KDM6A: variants seen among roughly 807,000 people sequenced by gnomAD.
The protein encoded by KDM6A is lysine demethylase 6A.
Under a neutral mutation model 117.6 loss-of-function variants are expected in KDM6A, and 11 were observed. The ratio of observed to expected loss-of-function variants is 0.09; its 90% CI spans 0.06 to 0.15. The LOEUF (loss-of-function observed/expected upper bound fraction) is 0.15, where lower values mean the gene tolerates loss of function less well. Among genes scored for constraint, KDM6A ranks in the 10% least tolerant of loss-of-function variants. KDM6A has a pLI of 1.00. For missense variants in KDM6A, 799 were observed against 1,077.3 expected (o/e 0.74, Z 3.62); for synonymous variants, 384 against 396.1 (o/e 0.97, Z 0.36).
At chrX:44,949,780 G>T (rs2037876079) in intron 2 of KDM6A, among the ~76,000 whole-genome samples, 1 of 111,600 alleles carries the variant, frequency 9.0e-6, no homozygotes, top group African/African-American at 3.3e-5. Context: ...TTTAACCAGG[G>T]TACAGCATGC....
rs56098621 is a variant in KDM6A at position 44,933,260 on chromosome X, A to ATTT, written c.226-28001_226-27999dup. Among the ~76,000 whole-genome samples, 89 of 36,525 alleles carry ATTT rather than the reference A, an allele frequency of 2.4e-3. 4 individuals are homozygous for ATTT. Among genetic ancestry groups the ATTT allele is most frequent in the African/African-American group, 7.3e-3 (66 of 9,040 alleles). 31.7% of individuals were successfully genotyped at this position (36,525 alleles called of 115,157 possible). On this transcript the variant is annotated intron_variant, in intron 2 of 29. Transcript: ENST00000611820. The stretch of plus-strand genomic sequence containing the variant: ...TTCTCTTCCCTCACAGTTTATGTTG[A>ATTT]TTTTTTTTTTTTTTTTTTTTTTTTT...
intron 4 of KDM6A, among the ~76,000 whole-genome samples, chrX:44,987,910 A>T (rs936673916): frequency 9.0e-6 from 1 of 110,566 alleles, no homozygotes; most frequent in Non-Finnish European, 1.9e-5. Flanking sequence ...CTCGAGGAGT[A>T]TCTTTGTGGT....
intron 2 of KDM6A, among the ~76,000 whole-genome samples, chrX:44,959,005 T>G (rs1289084565): frequency 9.0e-5 from 10 of 111,333 alleles, no homozygotes. Context: ...TTAAAAAGTG[T>G]GTTAGATATT....
chrX:45,028,479 G>A (rs746631456), intron 6 of KDM6A, among the ~76,000 whole-genome samples: 22 of 111,923 alleles, frequency 2.0e-4, no homozygotes, highest in Non-Finnish European at 4.0e-4. Flanking sequence ...TATGATTGAG[G>A]AAACTGCAAC....
At chrX:44,983,508 A>G (rs2040015828) in intron 4 of KDM6A, among the ~76,000 whole-genome samples, 1 of 109,539 alleles carries the variant, frequency 9.1e-6, no homozygotes, top group Admixed American at 9.7e-5. Context: ...GGTGTGCTGC[A>G]CCCATTAACT....
At chrX:45,034,794 G>T in intron 6 of KDM6A, 137 bp from the exon 7 acceptor site, 1 of 516,739 alleles carries the variant, frequency 1.9e-6, no homozygotes, top group East Asian at 3.6e-5. Context: ...AGTATTTCTA[G>T]TTGGTAGGCT....
intron 2 of KDM6A, among the ~76,000 whole-genome samples, chrX:44,934,481 C>T (rs1469056367): frequency 8.9e-6 from 1 of 111,839 alleles, no homozygotes; most frequent in Non-Finnish European, 1.9e-5. Flanking sequence ...TGTATCTATA[C>T]CTGGTATTCT....
Position 45,089,725 on chromosome X carries a change from A to AT in KDM6A, c.3705-11dup, listed in dbSNP as rs746893662. 1.0e-5 allele frequency: 12 copies of AT among 1,143,769 alleles called. No homozygotes were observed. Among genetic ancestry groups the AT allele is most frequent in the Non-Finnish European group, 1.3e-5 (11 of 835,887 alleles). The allele number at this position is 1,143,769 out of a possible 1,213,427, so 94.3% of individuals were successfully genotyped here. A position where few individuals can be genotyped will look rare whatever the true frequency, so the allele number is the denominator to read the frequency against. On this transcript the variant is annotated splice_polypyrimidine_tract_variant and intron_variant, in intron 25 of 29. Coordinates refer to ENST00000611820, the MANE Select transcript of KDM6A (RefSeq NM_001291415.2). ...TTAATGTAGTTGATCCATTTGCATTATTTTTTTCTTATTTCAGAAATAATT... is the reference window on the plus strand; with the variant it reads ...TTAATGTAGTTGATCCATTTGCATTATTTTTTTTCTTATTTCAGAAATAATT...
chrX:44,929,012 C>CTG (rs2036467878), intron 2 of KDM6A, among the ~76,000 whole-genome samples: 3 of 110,969 alleles, frequency 2.7e-5, no homozygotes, highest in Non-Finnish European at 5.7e-5. Context: ...CTCACTACAA[C>CTG]GTCTGCCTCC....
intron 4 of KDM6A, among the ~76,000 whole-genome samples, chrX:44,995,397 A>G (rs978755174): frequency 2.7e-5 from 3 of 110,949 alleles, no homozygotes; most frequent in East Asian, 2.8e-4. Flanking sequence ...ACTGCTTGCC[A>G]TTGGCCTTAT....
chrX:45,042,244 A>G (rs112266933), intron 8 of KDM6A, among the ~76,000 whole-genome samples: 2,481 of 54,818 alleles, frequency 0.045, 306 homozygotes, highest in African/African-American at 0.23. Flanking sequence ...AGACCGTGGA[A>G]GGAGACCGTG....
At chrX:44,957,095 A>G (rs1211292170) in intron 2 of KDM6A, among the ~76,000 whole-genome samples, 1 of 110,341 alleles carries the variant, frequency 9.1e-6, no homozygotes, top group Non-Finnish European at 1.9e-5. Flanking sequence ...ACACCGTTGC[A>G]CTCCAGCCTG....
rs2042309914 is a variant in KDM6A at position 45,025,002 on chromosome X, T to C, written c.564+4272T>C. 2.7e-5 allele frequency among the ~76,000 whole-genome samples: 3 copies of C among 112,338 alleles called. No individual in the cohort carries two copies. The Admixed American group carries it at 2.8e-4, about 11-fold the overall frequency. ...ACCAATAAAGATTGTATGTGTTTAG[T>C]GAGCAGTGGAGATACCAATTCTTAA... is the stretch of plus-strand genomic sequence containing the variant. On this transcript the variant is annotated intron_variant, in intron 6 of 29. Transcript: ENST00000611820.
At chrX:44,885,191 A>G (rs937746245) in intron 2 of KDM6A, among the ~76,000 whole-genome samples, 2 of 105,513 alleles carry the variant, frequency 1.9e-5, no homozygotes, top group African/African-American at 7.4e-5. Flanking sequence ...ACGTGCAGCT[A>G]ATTTTTTTTT....
rs947622163 is a variant in KDM6A, at chrX:44,974,837, G to A, written c.384+122G>A. ...AATTACTTAAAATATTGCTTCTAGG[G>A]GAAAGGTATTGGAAAAGGGTTGAGA... On this transcript the variant is annotated intron_variant, in intron 4 of 29. Coordinates refer to ENST00000611820, the MANE Select transcript of KDM6A (RefSeq NM_001291415.2). 28 of 546,197 alleles carry A rather than the reference G, an allele frequency of 5.1e-5. No individual in the cohort carries two copies. The African/African-American group carries it at 5.3e-4, about 10-fold the overall frequency. The allele number at this position is 546,197 out of a possible 1,213,427, so 45.0% of individuals were successfully genotyped here. A position where few individuals can be genotyped will look rare whatever the true frequency, so the allele number is the denominator to read the frequency against.
chrX:45,068,296 C>A (rs1395813691), intron 17 of KDM6A, among the ~76,000 whole-genome samples: 1 of 110,542 alleles, frequency 9.0e-6, no homozygotes, highest in Non-Finnish European at 1.9e-5. Flanking sequence ...TGAAAATATT[C>A]TTCTTAAAGA....
intron 2 of KDM6A, among the ~76,000 whole-genome samples, chrX:44,919,658 T>TTTTGG (rs2035780432): frequency 9.3e-6 from 1 of 108,060 alleles, no homozygotes; most frequent in African/African-American, 3.4e-5. Flanking sequence ...TTTTTTTTTT[T>TTTTGG]GAGATGGGGT....
intron 2 of KDM6A, among the ~76,000 whole-genome samples, chrX:44,944,105 G>C (rs955772109): frequency 2.7e-5 from 3 of 111,327 alleles, no homozygotes; most frequent in Non-Finnish European, 5.7e-5. Flanking sequence ...TAATCCCAGC[G>C]CTTTGAGAGG....
intron 8 of KDM6A, among the ~76,000 whole-genome samples, chrX:45,047,787 G>A (rs1368896192): frequency 2.1e-5 from 2 of 96,763 alleles, no homozygotes; most frequent in Non-Finnish European, 4.0e-5. Context: ...AGGTTCAAGC[G>A]ATTCTCGTGC....
Sources: allele counts gnomAD v4.1 joint callset (sites outside exome capture counted in the v4.1 genomes callset), GRCh38; gene constraint gnomAD v4.1.1; transcripts MANE v1.5; gene names NCBI Gene and HGNC (gene_info 2026-07-23, HGNC 2026-07-21).